FXR1: variants seen among roughly 807,000 people sequenced by gnomAD.
FXR1 encodes RNA-binding protein FXR1.
FXR1 carries 15 observed loss-of-function variants against 84.0 expected under a neutral mutation model. The ratio of observed to expected loss-of-function variants is 0.18; its 90% CI spans 0.12 to 0.27. The LOEUF is 0.27. Among genes scored for constraint, FXR1 ranks in the 10% least tolerant of loss-of-function variants. The probability of loss-of-function intolerance (pLI) is 1.00; values close to 1 mark genes in which losing one functional copy is unlikely to be tolerated. For synonymous variants in FXR1, 245 were observed against 250.7 expected, an observed-to-expected ratio of 0.98 and a Z score of 0.21; for missense variants, 480 against 774.4, an observed-to-expected ratio of 0.62 and a Z score of 4.51.
At chr3:180,936,287 AGATG>A (rs781724808) in intron 3 of FXR1, among the ~76,000 whole-genome samples, 12 of 152,098 alleles carry the variant, frequency 7.9e-5, no homozygotes, top group Non-Finnish European at 1.0e-4. Flanking sequence ...TTATTTTTTG[AGATG>A]GAGTCTCACT....
chr3:180,912,677 G>C lies in FXR1; in HGVS notation c.-9G>C. 1 of 1,613,766 alleles carries C rather than the reference G, an allele frequency of 6.2e-7. No homozygotes were observed. Among genetic ancestry groups the C allele is most frequent in the Non-Finnish European group, 8.5e-7 (1 of 1,179,962 alleles). On this transcript the variant is annotated 5_prime_UTR_variant, in exon 1 of 17. Coordinates refer to ENST00000357559, the MANE Select transcript of FXR1 (RefSeq NM_005087.4). ...AGAATCTCTTCCCAGCGGCCTTTGC[G>C]GTTCCAACATGGCGGAGCTGACGGT...
At chr3:180,951,020 C>T (rs1032082392) in intron 7 of FXR1, among the ~76,000 whole-genome samples, 1 of 151,604 alleles carries the variant, frequency 6.6e-6, no homozygotes, top group African/African-American at 2.4e-5. Context: ...CGAGACCAGC[C>T]TGGGTAACAT....
intron 1 of FXR1, chr3:180,933,071 C>A: frequency 2.5e-6 from 1 of 398,698 alleles, no homozygotes; most frequent in Non-Finnish European, 4.5e-6. Context: ...TGAACTAATA[C>A]CTGAGGTGTT....
chr3:180,921,154 G>C (rs1277744882), intron 1 of FXR1, among the ~76,000 whole-genome samples: 1 of 151,968 alleles, frequency 6.6e-6, no homozygotes, highest in Non-Finnish European at 1.5e-5. Flanking sequence ...TGGATCACTT[G>C]AGGGCAGGAG....
At chr3:180,943,390 G>A (rs1277905931) in intron 3 of FXR1, among the ~76,000 whole-genome samples, 1 of 146,122 alleles carries the variant, frequency 6.8e-6, no homozygotes, top group Non-Finnish European at 1.5e-5. Flanking sequence ...AACCTCCCAA[G>A]TAGCTGGGAT....
intron 7 of FXR1, among the ~76,000 whole-genome samples, chr3:180,950,870 T>C (rs1194383761): frequency 1.3e-5 from 2 of 152,156 alleles, no homozygotes; most frequent in Non-Finnish European, 2.9e-5. Flanking sequence ...TTTGGGTTGC[T>C]TTCACCTCTT....
intron 4 of FXR1, 82 bp from the exon 5 acceptor site, chr3:180,948,265 C>T (rs1721893745): frequency 4.0e-6 from 4 of 1,004,068 alleles, no homozygotes; most frequent in Non-Finnish European, 6.0e-6. Flanking sequence ...GTTGGTTAAG[C>T]TGAGCAAGGT....
chr3:180,949,212 C>G lies in FXR1; in HGVS notation c.514-15C>G, dbSNP rs1473993834. On this transcript the variant is annotated splice_polypyrimidine_tract_variant and intron_variant, in intron 6 of 16. Coordinates refer to ENST00000357559, the MANE Select transcript of FXR1 (RefSeq NM_005087.4). Reference sequence around the variant, plus strand: ...AATGATTAAAGTTTTGAGTAATTAGCTTGTTTGTTTATAGTCTGCCAGTGA... The same window carrying G: ...AATGATTAAAGTTTTGAGTAATTAGGTTGTTTGTTTATAGTCTGCCAGTGA... The G allele has an allele frequency of 7.8e-6, 10 of 1,274,700 alleles. No homozygotes were observed. The highest frequency in any genetic ancestry group is 2.9e-5 in the African/African-American group (2 of 68,426). The allele number at this position is 1,274,700 out of a possible 1,614,324, so 79.0% of individuals were successfully genotyped here.
intron 3 of FXR1, among the ~76,000 whole-genome samples, chr3:180,940,776 A>AC (rs1348755906): frequency 6.6e-6 from 1 of 152,036 alleles, no homozygotes; most frequent in Non-Finnish European, 1.5e-5. Flanking sequence ...GGTTTTCTCC[A>AC]CATTGGTCAG....
chr3:180,943,092 G>C (rs571583592), intron 3 of FXR1, among the ~76,000 whole-genome samples: 1 of 151,580 alleles, frequency 6.6e-6, no homozygotes, highest in South Asian at 2.1e-4. Context: ...TCAGCCTCCT[G>C]AGTAGCTGGG....
At chr3:180,926,727 T>C (rs1287977277) in intron 1 of FXR1, among the ~76,000 whole-genome samples, 1 of 151,898 alleles carries the variant, frequency 6.6e-6, no homozygotes, top group African/African-American at 2.4e-5. Context: ...GTTTTAAAGT[T>C]TCTGTTTACT....
At chr3:180,937,537 T>C (rs1360567724) in intron 3 of FXR1, among the ~76,000 whole-genome samples, 1 of 152,216 alleles carries the variant, frequency 6.6e-6, no homozygotes, top group Non-Finnish European at 1.5e-5. Context: ...CACGTTATGT[T>C]TTATGATTCA....
At chr3:180,956,931 A>G (rs901571149) in intron 9 of FXR1, among the ~76,000 whole-genome samples, 1 of 152,218 alleles carries the variant, frequency 6.6e-6, no homozygotes, top group African/African-American at 2.4e-5. Flanking sequence ...GTGAAAAGTG[A>G]TATACTTAAA....
At chr3:180,917,364 T>A (rs1435473201) in intron 1 of FXR1, among the ~76,000 whole-genome samples, 1 of 152,206 alleles carries the variant, frequency 6.6e-6, no homozygotes, top group Non-Finnish European at 1.5e-5. Flanking sequence ...TACAGAATCT[T>A]GTTAGTTGGT....
chr3:180,963,372 T>C (rs182852194), intron 13 of FXR1, among the ~76,000 whole-genome samples: 2 of 152,282 alleles, frequency 1.3e-5, no homozygotes, highest in African/African-American at 2.4e-5. Context: ...AGAATACATA[T>C]GTAACTTGTT....
At chr3:180,967,588 A>G (rs1437142788) in intron 13 of FXR1, among the ~76,000 whole-genome samples, 6 of 151,654 alleles carry the variant, frequency 4.0e-5, no homozygotes, top group Admixed American at 3.3e-4. Context: ...TTTTGGTGCC[A>G]AAACCTAGGA....
chr3:180,974,998 T>G (rs1335304603), intron 15 of FXR1, among the ~76,000 whole-genome samples: 1 of 128,118 alleles, frequency 7.8e-6, no homozygotes, highest in Admixed American at 1.0e-4. Flanking sequence ...CGTTTGTATT[T>G]CCTTTTACTG....
chr3:180,930,081 G>C (rs1719703155), intron 1 of FXR1, among the ~76,000 whole-genome samples: 1 of 152,090 alleles, frequency 6.6e-6, no homozygotes, highest in Non-Finnish European at 1.5e-5. Context: ...TGGCGGACAT[G>C]GTGAAACCCA....
intron 15 of FXR1, chr3:180,971,628 C>T (rs1713600634): frequency 6.6e-6 from 1 of 152,586 alleles, no homozygotes; most frequent in African/African-American, 2.4e-5. Context: ...TTGAAGGTGT[C>T]TTTAACCTAA....
Sources: gnomAD v4.1 joint callset for allele counts (sites outside exome capture counted in the v4.1 genomes callset) on GRCh38, gnomAD v4.1.1 for gene constraint, MANE v1.5 for transcripts, NCBI Gene and HGNC (gene_info 2026-07-23, HGNC 2026-07-21) for gene names.